NCOA3: variants seen among roughly 807,000 people sequenced by gnomAD.
NCOA3 encodes the protein nuclear receptor coactivator 3.
NCOA3 carries 51 observed loss-of-function variants against 158.8 expected under a neutral mutation model. The ratio of observed to expected loss-of-function variants is 0.32; its 90% CI spans 0.26 to 0.41. The LOEUF (loss-of-function observed/expected upper bound fraction) is 0.41. Ranked by LOEUF, NCOA3 falls within the 10% of genes least tolerant of loss-of-function variation. NCOA3 has a pLI of 1.00. For missense variants in NCOA3, 1,510 were observed against 1,746.6 expected, an observed-to-expected ratio of 0.86 and a Z score of 2.41; for synonymous variants, 537 against 592.4, an observed-to-expected ratio of 0.91 and a Z score of 1.36.
intron 1 of NCOA3, among the ~76,000 whole-genome samples, chr20:47,522,406 C>CTTTTTTTTTTTTTTTTT (rs3091963): frequency 2.7e-4 from 34 of 128,132 alleles, no homozygotes; most frequent in African/African-American, 1.0e-3. Context: ...GCGCCCGGCC[C>CTTTTTTTTTTTTTTTTT]TTTTTTTTTT....
chr20:47,585,046 C>CTTTTTTTTTTTT (rs11473989), intron 2 of NCOA3, among the ~76,000 whole-genome samples: 17 of 91,344 alleles, frequency 1.9e-4, no homozygotes, highest in African/African-American at 3.1e-4. Flanking sequence ...CCTTTCTTAA[C>CTTTTTTTTTTTT]TTTTTTTTTT....
chr20:47,624,279 C>T (rs1479372083), intron 4 of NCOA3, among the ~76,000 whole-genome samples, 196 bp downstream of exon 4: 1 of 152,148 alleles, frequency 6.6e-6, no homozygotes, highest in Admixed American at 6.5e-5. Flanking sequence ...AATAATTATA[C>T]AACTCACCAT....
intron 5 of NCOA3, 130 bp downstream of exon 5, chr20:47,625,611 T>C: frequency 1.5e-6 from 1 of 663,918 alleles, no homozygotes; most frequent in Non-Finnish European, 2.6e-6. Flanking sequence ...TTTGAGACAG[T>C]TCAGTATTCT....
At chr20:47,518,873 C>T (rs549013703) in intron 1 of NCOA3, among the ~76,000 whole-genome samples, 6 of 152,136 alleles carry the variant, frequency 3.9e-5, no homozygotes, top group Admixed American at 1.3e-4. Flanking sequence ...CGGTGGCTCA[C>T]GCCTGTAACT....
chr20:47,625,356 G>A (rs763042786), intron 4 of NCOA3, 25 bp from the exon 5 acceptor site: 46 of 1,504,248 alleles, frequency 3.1e-5, no homozygotes, highest in Non-Finnish European at 3.8e-5. Context: ...TGTGTTATTC[G>A]TTATACCACC....
intron 1 of NCOA3, among the ~76,000 whole-genome samples, chr20:47,550,178 C>G (rs1265817824): frequency 6.6e-6 from 1 of 150,402 alleles, no homozygotes; most frequent in Non-Finnish European, 1.5e-5. Context: ...GGCGCGGTGG[C>G]TCACACCTGT....
intron 1 of NCOA3, among the ~76,000 whole-genome samples, chr20:47,545,135 CTTT>C (rs113576815): frequency 8.9e-6 from 1 of 112,520 alleles, no homozygotes; most frequent in African/African-American, 3.1e-5. Flanking sequence ...AGCAATGTAG[CTTT>C]TTTTTTTTTT....
chr20:47,600,753 C>A (rs756036915), intron 2 of NCOA3, among the ~76,000 whole-genome samples: 1 of 147,398 alleles, frequency 6.8e-6, no homozygotes, highest in Non-Finnish European at 1.5e-5. Flanking sequence ...TGGGCTCAAG[C>A]TATCTGCCCT....
chr20:47,522,869 G>A (rs1012383781), intron 1 of NCOA3, among the ~76,000 whole-genome samples: 35 of 150,344 alleles, frequency 2.3e-4, no homozygotes, highest in Admixed American at 2.2e-3. Context: ...GAGGCTTTAC[G>A]AGAAACTTTT....
At chr20:47,564,136 G>A (rs1247802290) in intron 1 of NCOA3, among the ~76,000 whole-genome samples, 1 of 148,484 alleles carries the variant, frequency 6.7e-6, no homozygotes, top group Non-Finnish European at 1.5e-5. Flanking sequence ...GGGAAAGAGC[G>A]AGACCCTGTC....
At chr20:47,593,608 G>A (rs770841014) in intron 2 of NCOA3, among the ~76,000 whole-genome samples, 3 of 152,130 alleles carry the variant, frequency 2.0e-5, no homozygotes, top group African/African-American at 4.8e-5. Context: ...CTCCCAAAGC[G>A]CTAGGATTAC....
At position 47,653,562 on chromosome 20, in the gene NCOA3, A is replaced by C; in HGVS notation, c.*145A>C. The C allele has an allele frequency of 6.2e-6, 6 of 974,184 alleles. No homozygotes were observed. The highest frequency in any genetic ancestry group is 9.5e-6 in the Non-Finnish European group (6 of 634,280). The allele number at this position is 974,184 out of a possible 1,614,324, so 60.3% of individuals were successfully genotyped here. On this transcript the variant is annotated 3_prime_UTR_variant, in exon 23 of 23. Transcript: ENST00000371998. ...CATCAAGGGTATTTTAAGTGATGTC[A>C]TTTGAGCAGGACTGGATTTTAAGCC...
intron 8 of NCOA3, among the ~76,000 whole-genome samples, chr20:47,629,574 G>A (rs1037804481): frequency 6.6e-6 from 1 of 152,024 alleles, no homozygotes; most frequent in Non-Finnish European, 1.5e-5. Context: ...CAGGTAATCC[G>A]CCTGCCTCGG....
intron 4 of NCOA3, among the ~76,000 whole-genome samples, chr20:47,624,855 C>A (rs1777936494): frequency 6.6e-6 from 1 of 152,172 alleles, no homozygotes; most frequent in African/African-American, 2.4e-5. Context: ...TCACCACAAC[C>A]TCCACCTCTT....
Position 47,627,108 on chromosome 20 carries a change from C to A in NCOA3, c.464C>A (p.Thr155Lys). 6.2e-7 allele frequency: 1 copy of A among 1,612,750 alleles called. No individual in the cohort carries two copies. Among genetic ancestry groups the A allele is most frequent in the Admixed American group, 1.7e-5 (1 of 59,968 alleles). Residue 155 changes from threonine (T) to lysine (K), a missense_variant, in exon 6 of 23, where the codon ACA (threonine) becomes AAA (lysine). Thr to Lys is a moderately conservative substitution (Grantham distance 78, BLOSUM62 -1). This residue lies in a region of NCOA3 where 309 missense variants were observed against 427.1 expected (regional missense o/e 0.72). Coordinates refer to ENST00000371998, the MANE Select transcript of NCOA3 (RefSeq NM_181659.3). ...TATAAGCAAGAGGACCTGGTTAACA[C>A]AAGTGTTTACAATATCTTACATGAA... ...LQYKQEDLVN[T>K]SVYNILHEED...
intron 1 of NCOA3, among the ~76,000 whole-genome samples, chr20:47,542,030 TG>T (rs1369231225): frequency 4.3e-5 from 6 of 139,154 alleles, no homozygotes; most frequent in Non-Finnish European, 6.2e-5. Flanking sequence ...TTTTTTTTTT[TG>T]TTGTTGTTGT....
At chr20:47,645,391 T>C (rs1024846896) in intron 17 of NCOA3, among the ~76,000 whole-genome samples, 2 of 152,096 alleles carry the variant, frequency 1.3e-5, no homozygotes, top group African/African-American at 4.8e-5. Context: ...GGAGTCTCAA[T>C]AGATCTGTGG....
intron 1 of NCOA3, among the ~76,000 whole-genome samples, chr20:47,574,525 T>A (rs2085343100): frequency 6.6e-6 from 1 of 152,148 alleles, no homozygotes; most frequent in Non-Finnish European, 1.5e-5. Context: ...TAGTAATATT[T>A]GTATTAATGT....
At chr20:47,507,915 G>A (rs561702883) in intron 1 of NCOA3, among the ~76,000 whole-genome samples, 163 of 152,126 alleles carry the variant, frequency 1.1e-3, no homozygotes, top group African/African-American at 3.5e-3. Flanking sequence ...CACCACGCCT[G>A]GCCAACAACT....
Sources: allele counts gnomAD v4.1 joint callset (sites outside exome capture counted in the v4.1 genomes callset), GRCh38; gene constraint gnomAD v4.1.1; regional missense constraint gnomAD v4.1.1; transcripts MANE v1.5; gene names NCBI Gene and HGNC (gene_info 2026-07-23, HGNC 2026-07-21).